The following RARB variants were observed in gnomAD, a reference collection of about 807,000 sequenced individuals.
RARB encodes retinoic acid receptor beta.
A neutral mutation model predicts 51.9 loss-of-function variants in RARB; 17 were observed. The ratio of observed to expected loss-of-function variants is 0.33; its 90% CI spans 0.22 to 0.49. RARB has a LOEUF of 0.49. Ranked by LOEUF, RARB falls within the 20% of genes least tolerant of loss-of-function variation. The pLI is 0.99. For missense variants in RARB, 369 were observed against 550.8 expected, an observed-to-expected ratio of 0.67 and a Z score of 3.30; for synonymous variants, 215 against 195.4, an observed-to-expected ratio of 1.10 and a Z score of -0.84.
At chr3:25,262,302 C>G (rs991596368) in intron 5 of RARB, among the ~76,000 whole-genome samples, 1 of 152,094 alleles carries the variant, frequency 6.6e-6, no homozygotes, top group African/African-American at 2.4e-5. Flanking sequence ...CCAGAAGATG[C>G]GCTCCTCCCC....
intron 3 of RARB, among the ~76,000 whole-genome samples, chr3:25,085,418 C>A (rs1039313320): frequency 6.6e-6 from 1 of 152,026 alleles, no homozygotes; most frequent in African/African-American, 2.4e-5. Context: ...AAAGATTTTC[C>A]AGATTCTAGT....
At chr3:25,562,266 A>C (rs56106221) in intron 3 of RARB, among the ~76,000 whole-genome samples, 2 of 152,100 alleles carry the variant, frequency 1.3e-5, no homozygotes, top group Non-Finnish European at 2.9e-5. Flanking sequence ...GAGGTTTTTT[A>C]AAAACAAGGT....
At chr3:25,258,779 G>A (rs1702928220) in intron 5 of RARB, among the ~76,000 whole-genome samples, 1 of 152,122 alleles carries the variant, frequency 6.6e-6, no homozygotes, top group African/African-American at 2.4e-5. Context: ...AGGTTAAGCA[G>A]CAGGCACCTG....
At chr3:25,294,282 A>G (rs1703863341) in intron 5 of RARB, among the ~76,000 whole-genome samples, 1 of 152,206 alleles carries the variant, frequency 6.6e-6, no homozygotes, top group African/African-American at 2.4e-5. Context: ...TAGTAGGAAA[A>G]GTCCAGGTTT....
intron 2 of RARB, among the ~76,000 whole-genome samples, chr3:24,926,850 T>C (rs1205311364): frequency 6.6e-6 from 1 of 152,104 alleles, no homozygotes; most frequent in African/African-American, 2.4e-5. Flanking sequence ...AGGTTTAATA[T>C]ATACTCCCAT....
chr3:25,297,430 T>G (rs891092206), intron 5 of RARB, among the ~76,000 whole-genome samples: 5 of 69,882 alleles, frequency 7.2e-5, no homozygotes, highest in Admixed American at 1.6e-4. Context: ...TTTTTTTTTT[T>G]GACTTACAGC....
chr3:25,327,418 A>T (rs2125442957), intron 5 of RARB, among the ~76,000 whole-genome samples: 1 of 152,278 alleles, frequency 6.6e-6, no homozygotes, highest in South Asian at 2.1e-4. Flanking sequence ...TGGAATCAGA[A>T]AGACATCAGA....
At position 25,181,352 on chromosome 3, in the gene RARB, C is replaced by G. The variant is rs1385509035; in HGVS notation, c.178+6777C>G. Reference sequence around the variant, plus strand: ...CTGCTGTCTTTAGTTGTTTTCATAACTTTTCCTTCACTGCTTATCTGGTGA... The same window carrying G: ...CTGCTGTCTTTAGTTGTTTTCATAAGTTTTCCTTCACTGCTTATCTGGTGA... On this transcript the variant is annotated intron_variant, in intron 5 of 11. Transcript: ENST00000383772. 2.6e-5 allele frequency among the ~76,000 whole-genome samples: 4 copies of G among 152,306 alleles called. No homozygotes were observed. In the East Asian group the frequency reaches 5.8e-4, roughly 22 times the overall value.
At chr3:25,222,115 G>A (rs1417020790) in intron 5 of RARB, among the ~76,000 whole-genome samples, 1 of 152,142 alleles carries the variant, frequency 6.6e-6, no homozygotes, top group African/African-American at 2.4e-5. Context: ...ATGCATTAGT[G>A]TAATTCATCA....
chr3:25,227,007 T>C (rs749915397), intron 5 of RARB, among the ~76,000 whole-genome samples: 2 of 152,220 alleles, frequency 1.3e-5, no homozygotes, highest in Non-Finnish European at 2.9e-5. Context: ...TCCTTAGTGA[T>C]CCCATTTACT....
At chr3:25,064,466 T>C (rs569558804) in intron 3 of RARB, among the ~76,000 whole-genome samples, 2 of 152,182 alleles carry the variant, frequency 1.3e-5, no homozygotes, top group African/African-American at 4.8e-5. Flanking sequence ...TTGTAAGTTA[T>C]CCAAAAAAGA....
chr3:25,182,117 G>T (rs1700873534), intron 5 of RARB, among the ~76,000 whole-genome samples: 1 of 152,072 alleles, frequency 6.6e-6, no homozygotes, highest in African/African-American at 2.4e-5. Flanking sequence ...TTTCATTTTG[G>T]AATCATACAG....
At chr3:24,985,696 T>C (rs1255765312) in intron 2 of RARB, among the ~76,000 whole-genome samples, 2 of 152,224 alleles carry the variant, frequency 1.3e-5, no homozygotes, top group East Asian at 1.9e-4. Context: ...TCCAGAAATT[T>C]TGTTCATTTT....
At chr3:25,097,192 A>G (rs916258226) in intron 3 of RARB, among the ~76,000 whole-genome samples, 5 of 152,126 alleles carry the variant, frequency 3.3e-5, no homozygotes, top group Non-Finnish European at 7.4e-5. Context: ...CTGAAACTAA[A>G]CAATACACGC....
intron 2 of RARB, among the ~76,000 whole-genome samples, chr3:25,041,439 C>G (rs907050997): frequency 6.6e-6 from 1 of 151,796 alleles, no homozygotes; most frequent in African/African-American, 2.4e-5. Flanking sequence ...AATAAATATT[C>G]TGTCTTTTCC....
intron 1 of RARB, among the ~76,000 whole-genome samples, chr3:24,842,451 G>A (rs1345454116): frequency 6.6e-6 from 1 of 152,126 alleles, no homozygotes; most frequent in African/African-American, 2.4e-5. Context: ...TTTGATTTGA[G>A]GGTTGAGGGA....
At chr3:24,877,892 T>A (rs1390474897) in intron 2 of RARB, among the ~76,000 whole-genome samples, 1 of 152,204 alleles carries the variant, frequency 6.6e-6, no homozygotes, top group Admixed American at 6.5e-5. Context: ...AGGAAGATTT[T>A]CCTGTTTCTT....
chr3:25,139,969 C>A lies in RARB; in HGVS notation c.-280+7761C>A, dbSNP rs76662163. Among the ~76,000 whole-genome samples, 683 of 152,230 alleles carry A rather than the reference C, an allele frequency of 4.5e-3. 9 individuals carry two copies. Among genetic ancestry groups the A allele is most frequent in the East Asian group, 0.044 (229 of 5,178 alleles). ...GCACATCTGTTTGCAGCCAGGTTTA[C>A]TTAATATTTTAAGCCTATTTTTGAA... On this transcript the variant is annotated intron_variant, in intron 4 of 11. Transcript: ENST00000383772.
intron 4 of RARB, among the ~76,000 whole-genome samples, chr3:25,134,684 C>CA (rs925981418): frequency 2.2e-4 from 33 of 151,586 alleles, no homozygotes; most frequent in Admixed American, 5.9e-4. Flanking sequence ...ACATTAAGAA[C>CA]AAAAAAAATG....
Sources: allele counts gnomAD v4.1 joint callset (sites outside exome capture counted in the v4.1 genomes callset), GRCh38; gene constraint gnomAD v4.1.1; transcripts MANE v1.5; gene names NCBI Gene and HGNC (gene_info 2026-07-23, HGNC 2026-07-21).